The following ETS1 variants were observed in gnomAD, a reference collection of about 807,000 sequenced individuals.
ETS1 encodes the protein protein C-ets-1.
A neutral mutation model predicts 58.6 loss-of-function variants in ETS1; 15 were observed. The observed-to-expected ratio is 0.26, with a 90% CI of 0.17 to 0.39. The LOEUF (loss-of-function observed/expected upper bound fraction) is 0.39. Among genes scored for constraint, ETS1 ranks in the 10% least tolerant of loss-of-function variants. The pLI, the probability that ETS1 is intolerant of heterozygous loss-of-function variation, is 1.00. For synonymous variants in ETS1, 214 were observed against 218.2 expected (o/e 0.98, Z 0.17); for missense variants, 417 against 610.5 (o/e 0.68, Z 3.34).
At chr11:128,533,490 GACC>G (rs1863929993) in intron 3 of ETS1, among the ~76,000 whole-genome samples, 1 of 152,166 alleles carries the variant, frequency 6.6e-6, no homozygotes, top group South Asian at 2.1e-4. Context: ...TTTACCTTTT[GACC>G]ACACCTCACC....
intron 2 of ETS1, among the ~76,000 whole-genome samples, chr11:128,563,599 G>A (rs541823223): frequency 4.6e-5 from 7 of 152,204 alleles, no homozygotes; most frequent in Admixed American, 3.9e-4. Context: ...CTGACCTTAC[G>A]ACTGACAACC....
At position 128,507,207 on chromosome 11, in the gene ETS1, C is replaced by T. The variant is rs551656777; in HGVS notation, c.215-16631G>A. On this transcript the variant is annotated intron_variant, in intron 3 of 9. Coordinates refer to ENST00000392668, the MANE Select transcript of ETS1 (RefSeq NM_001143820.2). ...AGCACCTCTGATTGGTTCCCTGGCCCTGACTCAGATCGAGCCGGGCTCCAC... is the reference window on the plus strand; with the variant it reads ...AGCACCTCTGATTGGTTCCCTGGCCTTGACTCAGATCGAGCCGGGCTCCAC... 2.0e-5 allele frequency among the ~76,000 whole-genome samples: 3 copies of T among 152,294 alleles called. No homozygotes were observed. The South Asian group carries it at 6.2e-4, about 32-fold the overall frequency.
chr11:128,551,183 C>A (rs189009644), intron 3 of ETS1, among the ~76,000 whole-genome samples: 51 of 152,338 alleles, frequency 3.3e-4, no homozygotes, highest in African/African-American at 1.0e-3. Context: ...AAACCACAGA[C>A]CTGCCATAAG....
chr11:128,553,918 T>A (rs1864273301), intron 3 of ETS1, among the ~76,000 whole-genome samples: 1 of 152,034 alleles, frequency 6.6e-6, no homozygotes, highest in Non-Finnish European at 1.5e-5. Context: ...GAAACTGAAG[T>A]TATAAATAGG....
chr11:128,567,611 GTTTTGTTTTTGT>G (rs5795622), intron 2 of ETS1, among the ~76,000 whole-genome samples: 146 of 147,628 alleles, frequency 9.9e-4, no homozygotes, highest in African/African-American at 2.3e-3. Context: ...TGTTTTTTGG[GTTTTGTTTTTGT>G]TTTTGTTTTT....
At chr11:128,579,258 A>C (rs1864814337) in intron 1 of ETS1, among the ~76,000 whole-genome samples, 1 of 152,188 alleles carries the variant, frequency 6.6e-6, no homozygotes, top group South Asian at 2.1e-4. Context: ...AACAATGCAA[A>C]ATTTGAATAG....
rs1216573573 is a variant in ETS1, at chr11:128,461,973, T to G, written c.*388A>C. On this transcript the variant is annotated 3_prime_UTR_variant, in exon 10 of 10. Coordinates refer to ENST00000392668, the MANE Select transcript of ETS1 (RefSeq NM_001143820.2). ...ACAGAAGCAAATTAATTGCCTTACA[T>G]CAGTTTCATGAGTTCTGATGTGACA... 5 of 164,292 alleles carry G rather than the reference T, an allele frequency of 3.0e-5. No individual in the cohort carries two copies. The highest frequency in any genetic ancestry group is 3.0e-4 in the Admixed American group (5 of 16,846). 10.2% of individuals were successfully genotyped at this position (164,292 alleles called of 1,614,324 possible). A position where few individuals can be genotyped will look rare whatever the true frequency, so the allele number is the denominator to read the frequency against.
At chr11:128,574,360 A>G (rs1864699634) in intron 1 of ETS1, among the ~76,000 whole-genome samples, 1 of 152,198 alleles carries the variant, frequency 6.6e-6, no homozygotes, top group Non-Finnish European at 1.5e-5. Flanking sequence ...AAATAACATT[A>G]GTTTTAAAAA....
intron 3 of ETS1, chr11:128,536,456 T>C (rs1382222270): frequency 6.6e-6 from 1 of 152,262 alleles, no homozygotes; most frequent in African/African-American, 2.4e-5. Flanking sequence ...AGAAGAAATA[T>C]GTATCATAAA....
At chr11:128,576,910 T>C (rs1163001664) in intron 1 of ETS1, among the ~76,000 whole-genome samples, 1 of 152,130 alleles carries the variant, frequency 6.6e-6, no homozygotes, top group Non-Finnish European at 1.5e-5. Flanking sequence ...CTGGAATCCT[T>C]CCTGAGCCAC....
At chr11:128,585,555 TG>T (rs1865016888) in intron 1 of ETS1, among the ~76,000 whole-genome samples, 1 of 152,212 alleles carries the variant, frequency 6.6e-6, no homozygotes, top group Non-Finnish European at 1.5e-5. Context: ...GAGAGAAATC[TG>T]TTGATTATTT....
At chr11:128,522,088 CG>C (rs1164455850) in intron 3 of ETS1, 2 of 1,334,202 alleles carry the variant, frequency 1.5e-6, no homozygotes, top group Admixed American at 3.6e-5. Context: ...GGGAAGGGGA[CG>C]GGGGAAATCC....
Position 128,573,084 on chromosome 11 carries a change from G to A in ETS1, c.47C>T (p.Ser16Leu), listed in dbSNP as rs1032971208. The change falls in exon 2 of 10, where the codon TCA becomes TTA. Residue 16 changes from serine to leucine, a missense_variant. By Grantham distance (145) the Ser-to-Leu change is moderately radical. This residue lies in a region of ETS1 where 90 missense variants were observed against 90.3 expected (regional missense o/e 1.00). Coordinates refer to ENST00000392668, the MANE Select transcript of ETS1 (RefSeq NM_001143820.2). Reference protein sequence around the residue: ...DSAGSSPVPYSAPRPAVVRQG... With the variant: ...DSAGSSPVPYLAPRPAVVRQG... ...CACCACCACTGCAGGACGAGGCGCT[G>A]AGTAAGGGACGGGGCTGCTCCCAGC... The A allele has an allele frequency of 1.2e-6, 2 of 1,604,266 alleles. No homozygotes were observed. The highest frequency in any genetic ancestry group is 1.7e-6 in the Non-Finnish European group (2 of 1,175,510).
chr11:128,501,970 A>C (rs903146337), intron 3 of ETS1, among the ~76,000 whole-genome samples: 3 of 152,176 alleles, frequency 2.0e-5, no homozygotes, highest in Non-Finnish European at 2.9e-5. Flanking sequence ...ACCCCTGTAC[A>C]GTGAAATAAA....
intron 3 of ETS1, among the ~76,000 whole-genome samples, chr11:128,506,261 T>C (rs1863227865): frequency 1.3e-5 from 2 of 152,140 alleles, no homozygotes; most frequent in South Asian, 4.1e-4. Flanking sequence ...CACTTTAAGA[T>C]GGTAAATTTT....
At chr11:128,484,792 C>T in intron 7 of ETS1, 31 bp downstream of exon 7, 1 of 1,592,038 alleles carries the variant, frequency 6.3e-7, no homozygotes, top group Non-Finnish European at 8.6e-7. Flanking sequence ...CTTGTAAACC[C>T]AAGAGCTTTT....
At chr11:128,462,644 T>C (rs1861933479) in intron 9 of ETS1, 68 bp from the exon 10 acceptor site, 3 of 1,182,424 alleles carry the variant, frequency 2.5e-6, no homozygotes, top group Non-Finnish European at 3.8e-6. Flanking sequence ...AATATATATG[T>C]TTCTATGCCT....
intron 1 of ETS1, among the ~76,000 whole-genome samples, chr11:128,579,686 T>C (rs963439631): frequency 2.1e-5 from 3 of 142,870 alleles, no homozygotes; most frequent in African/African-American, 5.2e-5. Context: ...AAGAATTTGG[T>C]GTCCAAAACA....
chr11:128,463,412 C>T lies in ETS1; in HGVS notation c.1242+97G>A. 1.3e-6 allele frequency: 1 copy of T among 747,080 alleles called. No individual in the cohort carries two copies. The highest frequency in any genetic ancestry group is 1.6e-5 in the South Asian group (1 of 62,318). The allele number at this position is 747,080 out of a possible 1,614,324, so 46.3% of individuals were successfully genotyped here. A position where few individuals can be genotyped will look rare whatever the true frequency, so the allele number is the denominator to read the frequency against. ...TGGCAAGTGGCAGAGCTGGGAATCC[C>T]AATCCTGGAACACGTCATTCAGGCC... On this transcript the variant is annotated intron_variant, in intron 9 of 9. Transcript: ENST00000392668. The surrounding 1 kb of genome is among the most constrained non-coding windows in gnomAD (Gnocchi z 4.1).
Sources: allele counts gnomAD v4.1 joint callset (sites outside exome capture counted in the v4.1 genomes callset), GRCh38; gene constraint gnomAD v4.1.1; regional missense constraint gnomAD v4.1.1; non-coding constraint Gnocchi (gnomAD v3.1); transcripts MANE v1.5; gene names NCBI Gene and HGNC (gene_info 2026-07-23, HGNC 2026-07-21).